Variants in ALDH7A1 observed in about 807,000 individuals in gnomAD.
ALDH7A1 encodes aldehyde dehydrogenase 7 family member A1.
In ALDH7A1, 63 loss-of-function variants were observed where a neutral mutation model predicts 79.9. The ratio of observed to expected loss-of-function variants is 0.79; its 90% CI spans 0.64 to 0.97. The LOEUF is 0.97. Among genes scored for constraint, ALDH7A1 ranks in the 50% least tolerant of loss-of-function variants. The pLI is 0.00. For missense variants in ALDH7A1, 627 were observed against 665.2 expected (o/e 0.94, Z 0.63); for synonymous variants, 240 against 231.2 (o/e 1.04, Z -0.34).
At chr5:126,570,133 G>A (rs192870603) in intron 8 of ALDH7A1, 4 of 152,522 alleles carry the variant, frequency 2.6e-5, no homozygotes, top group Admixed American at 1.3e-4. Flanking sequence ...TGGCTGTCAG[G>A]GCATGAGGGC....
At position 126,561,071 on chromosome 5, in the gene ALDH7A1, A is replaced by G. The variant is rs1408445726; in HGVS notation, c.913+12T>C. The G allele has an allele frequency of 1.9e-6, 3 of 1,613,368 alleles. No individual in the cohort carries two copies. Among genetic ancestry groups the G allele is most frequent in the Non-Finnish European group, 2.5e-6 (3 of 1,179,614 alleles). ...GAACAGAAAACAAACAAAAACAAAGAGGCAGCCTTACCAATAATGGCATTG... is the reference window on the plus strand; with the variant it reads ...GAACAGAAAACAAACAAAAACAAAGGGGCAGCCTTACCAATAATGGCATTG... On this transcript the variant is annotated intron_variant, in intron 10 of 17. Transcript: ENST00000409134.
At chr5:126,571,251 G>A (rs911877677) in intron 7 of ALDH7A1, 2 of 275,066 alleles carry the variant, frequency 7.3e-6, no homozygotes, top group African/African-American at 4.6e-5. Context: ...GCCGAAGCAG[G>A]TGGATCACTT....
chr5:126,570,806 A>G lies in ALDH7A1; in HGVS notation c.749T>C (p.Leu250Ser), dbSNP rs1389242815. ...DNKLPGAICS[L>S]TCGGADIGTA... Reference sequence around the variant, plus strand: ...CCCAATATCTGCTCCACCACAAGTCAAGGAACAAATTGCACCAGGCAGCTT... The same window carrying G: ...CCCAATATCTGCTCCACCACAAGTCGAGGAACAAATTGCACCAGGCAGCTT... Residue 250 changes from leucine to serine, a missense_variant, in exon 8 of 18, where the codon TTG becomes TCG. Leu to Ser is a moderately radical substitution (Grantham distance 145, BLOSUM62 -2). Coordinates refer to ENST00000409134, the MANE Select transcript of ALDH7A1 (RefSeq NM_001182.5). 2 of 1,614,026 alleles carry G rather than the reference A, an allele frequency of 1.2e-6. No homozygotes were observed. The highest frequency in any genetic ancestry group is 1.7e-6 in the Non-Finnish European group (2 of 1,179,924).
intron 3 of ALDH7A1, among the ~76,000 whole-genome samples, chr5:126,584,761 G>C (rs1751304737): frequency 1.4e-5 from 2 of 147,820 alleles, no homozygotes; most frequent in African/African-American, 5.1e-5. Flanking sequence ...ACAGATGCAG[G>C]AAATGAAGAG....
At chr5:126,572,980 G>A (rs1170245372) in intron 7 of ALDH7A1, among the ~76,000 whole-genome samples, 1 of 152,112 alleles carries the variant, frequency 6.6e-6, no homozygotes. Flanking sequence ...ATCACCCTTA[G>A]TTAATTCCAG....
chr5:126,549,478 T>C (rs923147954), intron 16 of ALDH7A1: 5 of 166,640 alleles, frequency 3.0e-5, no homozygotes, highest in Non-Finnish European at 6.6e-5. Flanking sequence ...ATGTATGGCT[T>C]ATTAAGAGGA....
At chr5:126,592,573 A>G in intron 3 of ALDH7A1, 91 bp downstream of exon 3, 1 of 1,329,000 alleles carries the variant, frequency 7.5e-7, no homozygotes, top group Middle Eastern at 1.9e-4. Flanking sequence ...ACAAGGCGGC[A>G]CTGACCTGCT....
intron 9 of ALDH7A1, chr5:126,561,807 C>T (rs908856378): frequency 1.3e-4 from 20 of 152,098 alleles, no homozygotes; most frequent in Non-Finnish European, 2.8e-4. Flanking sequence ...GCCTGGGCAA[C>T]ATGGCAAGAC....
intron 16 of ALDH7A1, 138 bp downstream of exon 16, chr5:126,549,791 T>C: frequency 1.2e-6 from 1 of 855,444 alleles, no homozygotes; most frequent in South Asian, 1.4e-5. Flanking sequence ...ATGTAAGCTT[T>C]TTCAGATATG....
At chr5:126,588,308 T>TA (rs1295278560) in intron 3 of ALDH7A1, 1 of 150,968 alleles carries the variant, frequency 6.6e-6, no homozygotes, top group Non-Finnish European at 1.5e-5. Flanking sequence ...TGTTCTCTAC[T>TA]AAAAAATACA....
At chr5:126,573,748 T>G (rs1430039139) in intron 7 of ALDH7A1, among the ~76,000 whole-genome samples, 1 of 150,100 alleles carries the variant, frequency 6.7e-6, no homozygotes, top group Non-Finnish European at 1.5e-5. Context: ...GCACCTGTAA[T>G]CCCAGCTACT....
intron 3 of ALDH7A1, among the ~76,000 whole-genome samples, chr5:126,585,449 A>G (rs773108726): frequency 2.6e-5 from 4 of 152,190 alleles, no homozygotes; most frequent in Non-Finnish European, 4.4e-5. Context: ...TGTGAGCTCA[A>G]GGTTCTTCCT....
chr5:126,551,952 T>C lies in ALDH7A1; in HGVS notation c.1317+69A>G. 6 of 1,244,936 alleles carry C rather than the reference T, an allele frequency of 4.8e-6. No homozygotes were observed. In the South Asian group the frequency reaches 6.0e-5, roughly 12 times the overall value. The allele number at this position is 1,244,936 out of a possible 1,614,324, so 77.1% of individuals were successfully genotyped here. On this transcript the variant is annotated intron_variant, in intron 14 of 17. Coordinates refer to ENST00000409134, the MANE Select transcript of ALDH7A1 (RefSeq NM_001182.5). ...CTCTTAAAGGTTCATCCAGTGAAAT[T>C]TAATCCACCATCATTTTCCTCTTAT... is the stretch of plus-strand genomic sequence containing the variant.
intron 11 of ALDH7A1, among the ~76,000 whole-genome samples, chr5:126,558,123 C>T (rs1378834240): frequency 2.3e-5 from 3 of 131,004 alleles, no homozygotes; most frequent in Admixed American, 1.9e-4. Flanking sequence ...AGCAAGATCG[C>T]GCCACTACAC....
chr5:126,578,276 G>C (rs1224927036), intron 5 of ALDH7A1, among the ~76,000 whole-genome samples: 1 of 150,368 alleles, frequency 6.7e-6, no homozygotes, highest in Non-Finnish European at 1.5e-5. Context: ...GCAACAGAGG[G>C]AGACTCCGCC....
At chr5:126,563,167 G>GAA (rs1750459608) in intron 9 of ALDH7A1, among the ~76,000 whole-genome samples, 2 of 152,132 alleles carry the variant, frequency 1.3e-5, no homozygotes, top group Admixed American at 1.3e-4. Flanking sequence ...AAGAAAGAAA[G>GAA]AAACCTATGG....
In ALDH7A1 at chr5:126,577,432, C is replaced by T. The variant is rs902856224; in HGVS notation, c.518-221G>A. ...TAATGATATTCATTATGCCTCTGAT[C>T]TTCATAGGAACTCTGCATAGATCAG... is the stretch of plus-strand genomic sequence containing the variant. On this transcript the variant is annotated intron_variant, in intron 5 of 17. Coordinates refer to ENST00000409134, the MANE Select transcript of ALDH7A1 (RefSeq NM_001182.5). Among the ~76,000 whole-genome samples the T allele has an allele frequency of 2.6e-5, 4 of 152,150 alleles. No individual in the cohort carries two copies. In the South Asian group the frequency reaches 8.3e-4, roughly 32 times the overall value.
At chr5:126,574,040 A>G (rs1188913799) in intron 7 of ALDH7A1, among the ~76,000 whole-genome samples, 9 of 151,246 alleles carry the variant, frequency 6.0e-5, no homozygotes, top group Non-Finnish European at 1.3e-4. Flanking sequence ...AAAAAAAAAA[A>G]AAAAAAGAAA....
intron 3 of ALDH7A1, 95 bp from the exon 4 acceptor site, chr5:126,584,107 A>G (rs1053925850): frequency 2.8e-6 from 3 of 1,076,034 alleles, no homozygotes; most frequent in Non-Finnish European, 4.3e-6. Flanking sequence ...ACAAATTACA[A>G]TCATATCAAA....
Sources: allele counts gnomAD v4.1 joint callset (sites outside exome capture counted in the v4.1 genomes callset), GRCh38; gene constraint gnomAD v4.1.1; transcripts MANE v1.5; gene names NCBI Gene and HGNC (gene_info 2026-07-23, HGNC 2026-07-21).